Variants in MTFR1 observed in about 807,000 individuals in gnomAD.
The protein encoded by MTFR1 is mitochondrial fission regulator 1.
Under a neutral mutation model 38.8 loss-of-function variants are expected in MTFR1, and 28 were observed. The ratio of observed to expected loss-of-function variants is 0.72; its 90% CI spans 0.53 to 0.99. The LOEUF is 0.99. Ranked by LOEUF, MTFR1 falls within the 50% of genes least tolerant of loss-of-function variation. The pLI, the probability that MTFR1 is intolerant of heterozygous loss-of-function variation, is 0.00. For synonymous variants in MTFR1, 145 were observed against 137.0 expected (o/e 1.06, Z -0.41); for missense variants, 358 against 395.5 (o/e 0.91, Z 0.81).
intron 3 of MTFR1, among the ~76,000 whole-genome samples, chr8:65,688,597 C>T (rs1314268461): frequency 4.0e-5 from 6 of 150,346 alleles, no homozygotes; most frequent in South Asian, 2.1e-4. Flanking sequence ...TACAGGCGCC[C>T]GCCACCACGC....
At chr8:65,661,200 T>C (rs1331254421) in intron 1 of MTFR1, among the ~76,000 whole-genome samples, 2 of 152,230 alleles carry the variant, frequency 1.3e-5, no homozygotes, top group Non-Finnish European at 2.9e-5. Flanking sequence ...AGTGTACTGT[T>C]AGGTAAACTG....
At chr8:65,739,473 G>C in intron 3 of MTFR1, 4 of 1,522,824 alleles carry the variant, frequency 2.6e-6, no homozygotes, top group Non-Finnish European at 3.5e-6. Context: ...TGTAAATCTT[G>C]TTACTGTTAA....
chr8:65,747,255 G>A (rs1807715304), intron 3 of MTFR1, among the ~76,000 whole-genome samples: 1 of 152,150 alleles, frequency 6.6e-6, no homozygotes, highest in Non-Finnish European at 1.5e-5. Flanking sequence ...CCTCTAACCA[G>A]CTGGGTGGGC....
At chr8:65,772,963 GT>G (rs1354731780), downstream of MTFR1, among the ~76,000 whole-genome samples, 9 of 152,078 alleles carry the variant, frequency 5.9e-5, no homozygotes, top group Admixed American at 5.9e-4. Flanking sequence ...AGCTGAGATC[GT>G]GCCACTGCAC....
chr8:65,777,205 A>G, the MTFR1 span, among the ~76,000 whole-genome samples: 1 of 148,824 alleles, frequency 6.7e-6, no homozygotes, highest in Non-Finnish European at 1.5e-5. Flanking sequence ...TCGGCCTCCC[A>G]AGTAGCTGGG....
chr8:65,691,403 T>C (rs1189321815), intron 3 of MTFR1, among the ~76,000 whole-genome samples: 1 of 152,110 alleles, frequency 6.6e-6, no homozygotes, highest in Non-Finnish European at 1.5e-5. Context: ...TTCTCCCACC[T>C]CAGCCTCCCA....
chr8:65,680,899 CTTTTTTTTTTT>C (rs1199113408), intron 2 of MTFR1, among the ~76,000 whole-genome samples: 2 of 93,630 alleles, frequency 2.1e-5, no homozygotes, highest in African/African-American at 4.3e-5. Flanking sequence ...AAGCAGTTCT[CTTTTTTTTTTT>C]TTTTTTTTTT....
At chr8:65,650,035 C>T (rs1270095934) in intron 1 of MTFR1, among the ~76,000 whole-genome samples, 1 of 150,998 alleles carries the variant, frequency 6.6e-6, no homozygotes, top group Non-Finnish European at 1.5e-5. Flanking sequence ...GATGGGGTTT[C>T]ACTACGTTGG....
chr8:65,748,774 T>C (rs1396827256), intron 3 of MTFR1, among the ~76,000 whole-genome samples: 4 of 152,170 alleles, frequency 2.6e-5, no homozygotes, highest in African/African-American at 9.7e-5. Context: ...ATGGCAATAA[T>C]ATCTAATTTA....
downstream of MTFR1, among the ~76,000 whole-genome samples, chr8:65,772,179 C>A (rs1440537979): frequency 2.0e-5 from 3 of 152,204 alleles, no homozygotes; most frequent in East Asian, 5.8e-4. Context: ...TAAACAGGTG[C>A]AGAAAATAAG....
chr8:65,670,436 A>G lies in MTFR1; in HGVS notation c.66+418A>G, dbSNP rs141449536. ...GTAAGTTATGTCTCTTAAAAATAACAACTATTGATAAGAAGAAAAAAAAGT... is the reference window on the plus strand; with the variant it reads ...GTAAGTTATGTCTCTTAAAAATAACGACTATTGATAAGAAGAAAAAAAAGT... On this transcript the variant is annotated intron_variant, in intron 2 of 7. Transcript: ENST00000262146. Among the ~76,000 whole-genome samples, 586 of 152,276 alleles carry G rather than the reference A, an allele frequency of 3.8e-3. 1 individual carries two copies. Among genetic ancestry groups the G allele is most frequent in the South Asian group, 6.4e-3 (31 of 4,826 alleles).
Position 65,669,805 on chromosome 8 carries a change from G to C in MTFR1, c.-80-68G>C, listed in dbSNP as rs1001297189. The C allele has an allele frequency of 7.4e-6, 5 of 673,442 alleles. No homozygotes were observed. The African/African-American group carries it at 7.7e-5, about 10-fold the overall frequency. 41.7% of individuals were successfully genotyped at this position (673,442 alleles called of 1,614,324 possible). ...AAAATGTTTTAGGCTTGCTCTGTGA[G>C]ACATGTAGACAGTACAAATTCTAAA... is the stretch of plus-strand genomic sequence containing the variant. On this transcript the variant is annotated intron_variant, in intron 1 of 7. Coordinates refer to ENST00000262146, the MANE Select transcript of MTFR1 (RefSeq NM_014637.4).
rs371574374 is a variant in MTFR1 at position 65,707,994 on chromosome 8, A to C, written c.916A>C (p.Thr306Pro). Residue 306 changes from threonine to proline, a missense_variant, in exon 7 of 8, where the codon ACC becomes CCC. Physicochemically the swap from Thr to Pro is conservative, Grantham distance 38. Coordinates refer to ENST00000262146, the MANE Select transcript of MTFR1 (RefSeq NM_014637.4). ...AATTCCAAAGTCTGAATCAGAGGCC[A>C]CCTCAGAGAGAGTGTTGGTGAGTTA... ...KGIPKSESEA[T>P]SERVLFGPHM... 7.6e-5 allele frequency: 122 copies of C among 1,612,488 alleles called. No homozygotes were observed. Among genetic ancestry groups the C allele is most frequent in the Non-Finnish European group, 9.9e-5 (117 of 1,179,748 alleles).
At chr8:65,735,052 T>C (rs1037980766) in intron 3 of MTFR1, among the ~76,000 whole-genome samples, 1 of 152,208 alleles carries the variant, frequency 6.6e-6, no homozygotes, top group African/African-American at 2.4e-5. Context: ...ACAACTCACA[T>C]GTATACCAAA....
At chr8:65,740,893 T>C (rs965203009) in intron 3 of MTFR1, among the ~76,000 whole-genome samples, 1 of 152,210 alleles carries the variant, frequency 6.6e-6, no homozygotes, top group Non-Finnish European at 1.5e-5. Context: ...CAGCCTCTCC[T>C]GGCCCCCTCC....
At chr8:65,696,635 A>T (rs1486208008) in intron 4 of MTFR1, among the ~76,000 whole-genome samples, 3 of 152,142 alleles carry the variant, frequency 2.0e-5, no homozygotes, top group Non-Finnish European at 4.4e-5. Context: ...AGAATGTTAC[A>T]TACATTGAAT....
At chr8:65,773,416 A>G (rs1265425324), downstream of MTFR1, among the ~76,000 whole-genome samples, 3 of 152,244 alleles carry the variant, frequency 2.0e-5, no homozygotes, top group African/African-American at 4.8e-5. Context: ...TATGAACAGC[A>G]TGATGAGATC....
intron 1 of MTFR1, among the ~76,000 whole-genome samples, chr8:65,648,547 A>G (rs12678467): frequency 0.12 from 18,130 of 152,202 alleles, 2,034 homozygotes; most frequent in East Asian, 0.53. Flanking sequence ...GTTATTGTCA[A>G]CCAGTCAATC....
At chr8:65,739,542 C>T (rs1387327261) in intron 3 of MTFR1, 3 of 1,567,740 alleles carry the variant, frequency 1.9e-6, no homozygotes, top group Non-Finnish European at 2.6e-6. Context: ...AATGGAAGTA[C>T]TCAATTAATC....
Sources: allele counts gnomAD v4.1 joint callset (sites outside exome capture counted in the v4.1 genomes callset), GRCh38; gene constraint gnomAD v4.1.1; transcripts MANE v1.5; gene names NCBI Gene and HGNC (gene_info 2026-07-23, HGNC 2026-07-21).